HECW2: variants seen among roughly 807,000 people sequenced by gnomAD.
The protein encoded by HECW2 is E3 ubiquitin-protein ligase HECW2.
A neutral mutation model predicts 175.2 loss-of-function variants in HECW2; 61 were observed. The ratio of observed to expected loss-of-function variants is 0.35; its 90% confidence interval spans 0.28 to 0.43. HECW2 has a LOEUF of 0.43. Among genes scored for constraint, HECW2 ranks in the 20% least tolerant of loss-of-function variants. The pLI, the probability that HECW2 is intolerant of heterozygous loss-of-function variation, is 1.00. For missense variants in HECW2, 1,524 were observed against 2,000.5 expected, an observed-to-expected ratio of 0.76 and a Z score of 4.54; for synonymous variants, 671 against 731.0, an observed-to-expected ratio of 0.92 and a Z score of 1.32.
chr2:196,288,121 A>C (rs535161498), intron 14 of HECW2: 1 of 152,260 alleles, frequency 6.6e-6, no homozygotes, highest in East Asian at 1.9e-4. Flanking sequence ...AGGGTAAAAG[A>C]GCAATGTCTA....
chr2:196,388,955 C>T (rs1694428833), intron 2 of HECW2, among the ~76,000 whole-genome samples: 1 of 152,190 alleles, frequency 6.6e-6, no homozygotes, highest in Non-Finnish European at 1.5e-5. Context: ...CTCTGAGGGG[C>T]ACCCCAGTGA....
At chr2:196,273,289 G>A (rs186029694) in intron 16 of HECW2, among the ~76,000 whole-genome samples, 531 of 152,048 alleles carry the variant, frequency 3.5e-3, no homozygotes, top group Non-Finnish European at 5.9e-3. Context: ...GGATGGTCTT[G>A]ATCTGTCGAC....
chr2:196,426,140 G>A (rs1478337351), intron 2 of HECW2, among the ~76,000 whole-genome samples: 1 of 152,102 alleles, frequency 6.6e-6, no homozygotes, highest in Non-Finnish European at 1.5e-5. Flanking sequence ...TTAAGTTAAG[G>A]TATGTACATC....
chr2:196,396,955 C>CA (rs796209769), intron 2 of HECW2, among the ~76,000 whole-genome samples: 114 of 149,610 alleles, frequency 7.6e-4, no homozygotes, highest in Non-Finnish European at 7.6e-4. Context: ...ACTAAAAATA[C>CA]AAAAAAAAAT....
intron 1 of HECW2, among the ~76,000 whole-genome samples, chr2:196,460,971 A>G (rs1395020777): frequency 6.6e-6 from 1 of 152,012 alleles, no homozygotes; most frequent in East Asian, 1.9e-4. Context: ...ACAGGATCAA[A>G]TTAATTACGT....
chr2:196,408,624 G>A (rs1407318307), intron 2 of HECW2, among the ~76,000 whole-genome samples: 1 of 152,150 alleles, frequency 6.6e-6, no homozygotes, highest in African/African-American at 2.4e-5. Context: ...CCCCTCCATT[G>A]AACTTTCTTT....
At chr2:196,508,946 T>C (rs1687854409) in intron 1 of HECW2, among the ~76,000 whole-genome samples, 2 of 152,258 alleles carry the variant, frequency 1.3e-5, no homozygotes, top group Non-Finnish European at 2.9e-5. Context: ...TGGGCGCCTG[T>C]AGTCCCAGCT....
intron 17 of HECW2, chr2:196,263,066 A>T (rs1689370378): frequency 6.6e-6 from 1 of 152,114 alleles, no homozygotes; most frequent in Non-Finnish European, 1.5e-5. Context: ...TAAAAAAAGA[A>T]TTGGAAAGCC....
chr2:196,478,323 C>T lies in HECW2; in HGVS notation c.-35-44865G>A, dbSNP rs150137252. 3.3e-3 allele frequency among the ~76,000 whole-genome samples: 504 copies of T among 152,298 alleles called. 1 individual carries two copies. The highest frequency in any genetic ancestry group is 0.011 in the African/African-American group (458 of 41,568). The stretch of plus-strand genomic sequence containing the variant: ...GAAAAACATCCCACTGAAGTCCCTG[C>T]TCAACTAACTCACAATGGTTCTTGT... On this transcript the variant is annotated intron_variant, in intron 1 of 28. Coordinates refer to ENST00000644978, the MANE Select transcript of HECW2 (RefSeq NM_001348768.2).
intron 2 of HECW2, among the ~76,000 whole-genome samples, chr2:196,416,843 TGAG>T (rs1695269321): frequency 1.3e-5 from 2 of 152,268 alleles, no homozygotes; most frequent in South Asian, 4.1e-4. Context: ...GCACTCAGTC[TGAG>T]ACAGCAGTCT....
chr2:196,366,735 A>G (rs748346597), intron 2 of HECW2, among the ~76,000 whole-genome samples: 1 of 151,996 alleles, frequency 6.6e-6, no homozygotes, highest in East Asian at 1.9e-4. Context: ...CGTTGCATTA[A>G]CTCCATATTA....
chr2:196,421,491 T>C (rs534664025), intron 2 of HECW2, among the ~76,000 whole-genome samples: 1 of 152,298 alleles, frequency 6.6e-6, no homozygotes, highest in East Asian at 1.9e-4. Context: ...ATAAGTAACT[T>C]TATAGGTGTG....
chr2:196,312,724 GT>G (rs1393046917), intron 10 of HECW2, among the ~76,000 whole-genome samples: 1 of 152,134 alleles, frequency 6.6e-6, no homozygotes, highest in Non-Finnish European at 1.5e-5. Context: ...TGAACAAAAA[GT>G]TTTTTAAAAA....
intron 2 of HECW2, among the ~76,000 whole-genome samples, chr2:196,417,459 T>G (rs1695285384): frequency 6.6e-6 from 1 of 152,208 alleles, no homozygotes; most frequent in African/African-American, 2.4e-5. Context: ...TTAAAAAAAT[T>G]TTTAGAGACA....
At chr2:196,554,115 G>A (rs1689703964) in intron 1 of HECW2, among the ~76,000 whole-genome samples, 1 of 152,056 alleles carries the variant, frequency 6.6e-6, no homozygotes, top group Non-Finnish European at 1.5e-5. Context: ...GAGGCGGGCG[G>A]ATCACGAGGT....
At position 196,364,708 on chromosome 2, in the gene HECW2, C is replaced by T. The variant is rs549128558; in HGVS notation, c.293-20944G>A. ...GAGAACAAAATAAACATAGCCCCTG[C>T]CCTCACAGAGCTTATATTTTAAAGA... On this transcript the variant is annotated intron_variant, in intron 2 of 28. Coordinates refer to ENST00000644978, the MANE Select transcript of HECW2 (RefSeq NM_001348768.2). 2.0e-5 allele frequency among the ~76,000 whole-genome samples: 3 copies of T among 152,238 alleles called. No homozygotes were observed. In the East Asian group the frequency reaches 5.8e-4, roughly 29 times the overall value.
intron 21 of HECW2, among the ~76,000 whole-genome samples, chr2:196,237,873 C>T (rs891360793): frequency 3.3e-5 from 5 of 152,182 alleles, no homozygotes; most frequent in Admixed American, 1.3e-4. Flanking sequence ...CCAAAAGATG[C>T]TTCGGGCTGC....
At position 196,347,066 on chromosome 2, in the gene HECW2, T is replaced by A. The variant is rs185632512; in HGVS notation, c.293-3302A>T. Among the ~76,000 whole-genome samples the A allele has an allele frequency of 4.7e-3, 708 of 151,810 alleles. 3 individuals are homozygous for A. Among genetic ancestry groups the A allele is most frequent in the Middle Eastern group, 0.02 (6 of 294 alleles). On this transcript the variant is annotated intron_variant, in intron 2 of 28. Coordinates refer to ENST00000644978, the MANE Select transcript of HECW2 (RefSeq NM_001348768.2). ...TGACTTTTTATTTATTTATTTATTTTTTTTGACATGGAGTCTCATTCTGTC... is the reference window on the plus strand; with the variant it reads ...TGACTTTTTATTTATTTATTTATTTATTTTGACATGGAGTCTCATTCTGTC...
intron 23 of HECW2, among the ~76,000 whole-genome samples, chr2:196,223,609 T>C (rs1687748402): frequency 6.6e-6 from 1 of 152,206 alleles, no homozygotes; most frequent in African/African-American, 2.4e-5. Context: ...GGCCTTAATA[T>C]CATCCTAAGG....
Sources: allele counts gnomAD v4.1 joint callset (sites outside exome capture counted in the v4.1 genomes callset), GRCh38; gene constraint gnomAD v4.1.1; transcripts MANE v1.5; gene names NCBI Gene and HGNC (gene_info 2026-07-23, HGNC 2026-07-21).